DGKI: variants seen among roughly 807,000 people sequenced by gnomAD.
The protein encoded by DGKI is DAG kinase iota.
A neutral mutation model predicts 147.5 loss-of-function variants in DGKI; 55 were observed. The observed-to-expected ratio is 0.37, with a 90% CI of 0.30 to 0.47. The LOEUF (loss-of-function observed/expected upper bound fraction) is 0.47, where lower values mean the gene tolerates loss of function less well. Ranked by LOEUF, DGKI falls within the 20% of genes least tolerant of loss-of-function variation. The probability of loss-of-function intolerance (pLI) is 1.00; values close to 1 mark genes in which losing one functional copy is unlikely to be tolerated. For synonymous variants in DGKI, 469 were observed against 477.1 expected (o/e 0.98, Z 0.22); for missense variants, 1,007 against 1,323.8 (o/e 0.76, Z 3.71).
intron 21 of DGKI, among the ~76,000 whole-genome samples, chr7:137,498,735 G>C (rs1408613151): frequency 6.6e-6 from 1 of 152,132 alleles, no homozygotes; most frequent in Non-Finnish European, 1.5e-5. Flanking sequence ...TGGGTTATCT[G>C]CCCCAATAAA....
At chr7:137,473,436 T>G (rs1280326835) in intron 23 of DGKI, among the ~76,000 whole-genome samples, 1 of 152,162 alleles carries the variant, frequency 6.6e-6, no homozygotes, top group Non-Finnish European at 1.5e-5. Context: ...ATGTGTATGT[T>G]CATTTTCCTG....
chr7:137,529,416 T>C (rs1471076628), intron 20 of DGKI, among the ~76,000 whole-genome samples: 2 of 152,146 alleles, frequency 1.3e-5, no homozygotes, highest in African/African-American at 4.8e-5. Flanking sequence ...TAGGGACCAC[T>C]CAAAAGAATT....
chr7:137,843,217 G>A (rs1798597209), intron 1 of DGKI, among the ~76,000 whole-genome samples: 2 of 150,490 alleles, frequency 1.3e-5, no homozygotes, highest in Non-Finnish European at 3.0e-5. Context: ...CCTCCCTTAT[G>A]TGTTTCTGAA....
At chr7:137,467,018 T>C (rs768177417) in intron 24 of DGKI, 76 bp from the exon 25 acceptor site, 3 of 1,448,382 alleles carry the variant, frequency 2.1e-6, no homozygotes, top group Non-Finnish European at 2.9e-6. Context: ...TCTCTTCGAC[T>C]ATGCTGGTCA....
rs180976898 is a variant in DGKI at position 137,504,395 on chromosome 7, G to A, written c.2249-16706C>T. On this transcript the variant is annotated intron_variant, in intron 21 of 32. Transcript: ENST00000614521. ...TTATAAGAACGTGTGATACCTTAGA[G>A]AAAAGCTTCTCAGAAACCACTGTGT... 8.1e-4 allele frequency among the ~76,000 whole-genome samples: 124 copies of A among 152,262 alleles called. 1 individual carries two copies. The highest frequency in any genetic ancestry group is 1.4e-3 in the Non-Finnish European group (97 of 68,008).
chr7:137,485,478 A>G, intron 22 of DGKI, 60 bp from the exon 23 acceptor site: 1 of 1,336,312 alleles, frequency 7.5e-7, no homozygotes, highest in Non-Finnish European at 1.0e-6. Flanking sequence ...AAGCTGCCCC[A>G]CAACTCAATC....
intron 20 of DGKI, among the ~76,000 whole-genome samples, chr7:137,541,750 GAACTCAA>G: frequency 1.3e-5 from 2 of 151,998 alleles, no homozygotes; most frequent in African/African-American, 4.8e-5. Context: ...TCATAGAAAA[GAACTCAA>G]AATAGATCAC....
chr7:137,557,071 T>C (rs887742997), intron 19 of DGKI, among the ~76,000 whole-genome samples: 4 of 152,088 alleles, frequency 2.6e-5, no homozygotes, highest in Admixed American at 6.6e-5. Flanking sequence ...GCTCCCTGGG[T>C]CTCTAGCCTG....
At chr7:137,612,004 C>G (rs1820379965) in intron 8 of DGKI, among the ~76,000 whole-genome samples, 1 of 152,110 alleles carries the variant, frequency 6.6e-6, no homozygotes, top group South Asian at 2.1e-4. Context: ...GACAGGATGT[C>G]AGCAATTAAA....
intron 17 of DGKI, among the ~76,000 whole-genome samples, chr7:137,575,765 A>T (rs1818948485): frequency 6.6e-6 from 1 of 152,192 alleles, no homozygotes; most frequent in African/African-American, 2.4e-5. Flanking sequence ...ACTAAAAGAT[A>T]CTTGCTTTAT....
intron 6 of DGKI, among the ~76,000 whole-genome samples, chr7:137,642,337 G>C (rs867838013): frequency 8.5e-5 from 13 of 152,270 alleles, no homozygotes; most frequent in Admixed American, 2.6e-4. Context: ...TCTTGTGACT[G>C]AAAGTTGCAG....
At chr7:137,583,173 T>G (rs1340140307) in intron 14 of DGKI, among the ~76,000 whole-genome samples, 1 of 152,158 alleles carries the variant, frequency 6.6e-6, no homozygotes, top group Non-Finnish European at 1.5e-5. Context: ...TGACCCCACA[T>G]GGAAGCTCTT....
At chr7:137,659,422 GCTT>G (rs1400103671) in intron 3 of DGKI, among the ~76,000 whole-genome samples, 1 of 152,152 alleles carries the variant, frequency 6.6e-6, no homozygotes, top group African/African-American at 2.4e-5. Context: ...TGGATAATAA[GCTT>G]CCGGACAGAA....
intron 12 of DGKI, among the ~76,000 whole-genome samples, chr7:137,596,675 A>G (rs1348988690): frequency 6.6e-6 from 1 of 152,222 alleles, no homozygotes; most frequent in East Asian, 1.9e-4. Context: ...AACCTTGAAG[A>G]AAGATAAAGA....
chr7:137,391,914 G>C (rs1811380140), intron 32 of DGKI, among the ~76,000 whole-genome samples: 1 of 152,014 alleles, frequency 6.6e-6, no homozygotes, highest in African/African-American at 2.4e-5. Flanking sequence ...ATACAAAAGT[G>C]GTAGATATTG....
intron 21 of DGKI, among the ~76,000 whole-genome samples, chr7:137,490,245 T>C (rs1815715638): frequency 6.6e-6 from 1 of 152,244 alleles, no homozygotes; most frequent in African/African-American, 2.4e-5. Context: ...ATCCCAGTAT[T>C]GCTTTGGTCT....
chr7:137,688,103 A>T (rs1022913136), intron 2 of DGKI, among the ~76,000 whole-genome samples: 1 of 152,170 alleles, frequency 6.6e-6, no homozygotes, highest in African/African-American at 2.4e-5. Context: ...GCATTTTCTG[A>T]TAACTATTTC....
intron 5 of DGKI, among the ~76,000 whole-genome samples, chr7:137,653,876 G>A (rs1822124258): frequency 6.6e-6 from 1 of 152,182 alleles, no homozygotes; most frequent in African/African-American, 2.4e-5. Context: ...GTGACTGCTG[G>A]GCAGGCTGAA....
At chr7:137,528,800 GAA>G (rs1333882469) in intron 20 of DGKI, among the ~76,000 whole-genome samples, 1 of 152,112 alleles carries the variant, frequency 6.6e-6, no homozygotes, top group Non-Finnish European at 1.5e-5. Context: ...GATGCTAATG[GAA>G]GTGGCTTAGT....
Sources: allele counts gnomAD v4.1 joint callset (sites outside exome capture counted in the v4.1 genomes callset), GRCh38; gene constraint gnomAD v4.1.1; transcripts MANE v1.5; gene names NCBI Gene and HGNC (gene_info 2026-07-23, HGNC 2026-07-21).